YLPM1: variants seen among roughly 807,000 people sequenced by gnomAD.
The protein encoded by YLPM1 is YLP motif containing 1, also known as YLP motif-containing protein 1.
Under a neutral mutation model 230.0 loss-of-function variants are expected in YLPM1, and 99 were observed. The observed-to-expected ratio is 0.43, with a 90% CI of 0.37 to 0.51. The LOEUF is 0.51. YLPM1 is among the 20% of genes least tolerant of loss of function. YLPM1 has a pLI of 0.00. For synonymous variants in YLPM1, 984 were observed against 942.5 expected (o/e 1.04, Z -0.81); for missense variants, 2,592 against 2,707.7 (o/e 0.96, Z 0.95).
At chr14:74,773,283 A>G (rs971750814) in intron 1 of YLPM1, among the ~76,000 whole-genome samples, 1 of 151,640 alleles carries the variant, frequency 6.6e-6, no homozygotes, top group African/African-American at 2.4e-5. Context: ...GCGAGACTCC[A>G]TCTCAAGAAA....
At chr14:74,806,792 CTGTT>C (rs1288166509) in intron 6 of YLPM1, among the ~76,000 whole-genome samples, 1 of 149,752 alleles carries the variant, frequency 6.7e-6, no homozygotes, top group East Asian at 1.9e-4. Context: ...ACCCATTTAT[CTGTT>C]TGAGTCAGGT....
intron 6 of YLPM1, among the ~76,000 whole-genome samples, chr14:74,807,733 T>C (rs2091393544): frequency 1.3e-5 from 2 of 152,228 alleles, no homozygotes; most frequent in Non-Finnish European, 2.9e-5. Context: ...TTCATAGTAC[T>C]CATGTTCTCT....
Position 74,781,574 on chromosome 14 carries a change from A to G in YLPM1, c.1531A>G (p.Met511Val), listed in dbSNP as rs574322917. 9 of 1,614,002 alleles carry G rather than the reference A, an allele frequency of 5.6e-6. No individual in the cohort carries two copies. In the African/African-American group the frequency reaches 1.1e-4, roughly 19 times the overall value. ...NSFQNMKNQYMGNMSMPPPFV... is the reference protein window; with the variant it reads ...NSFQNMKNQYVGNMSMPPPFV... The stretch of plus-strand genomic sequence containing the variant: ...ATTTCAGAACATGAAGAACCAGTAT[A>G]TGGGGAACATGTCAATGCCACCTCC... The change falls in exon 4 of 21, where the codon ATG becomes GTG. Residue 511 changes from methionine to valine, a missense_variant. Transcript: ENST00000325680.
Position 74,778,827 on chromosome 14 carries a change from G to T in YLPM1, c.1110+144G>T. ...GCATTTGTGAAATCAGATGTCTGTTGTATCAGGTTTATTTGTTTGTTTATT... is the reference window on the plus strand; with the variant it reads ...GCATTTGTGAAATCAGATGTCTGTTTTATCAGGTTTATTTGTTTGTTTATT... On this transcript the variant is annotated intron_variant, in intron 2 of 20. Coordinates refer to ENST00000325680, the MANE Select transcript of YLPM1 (RefSeq NM_019589.3). 6.0e-6 allele frequency: 4 copies of T among 665,794 alleles called. No homozygotes were observed. In the South Asian group the frequency reaches 6.2e-5, roughly 10 times the overall value. The allele number at this position is 665,794 out of a possible 1,614,324, so 41.2% of individuals were successfully genotyped here.
Position 74,763,405 on chromosome 14 carries a change from G to T in YLPM1, c.-85G>T. 1.5e-6 allele frequency: 2 copies of T among 1,374,316 alleles called. No homozygotes were observed. The highest frequency in any genetic ancestry group is 1.9e-6 in the Non-Finnish European group (2 of 1,056,478). The allele number at this position is 1,374,316 out of a possible 1,614,324, so 85.1% of individuals were successfully genotyped here. A position where few individuals can be genotyped will look rare whatever the true frequency, so the allele number is the denominator to read the frequency against. On this transcript the variant is annotated 5_prime_UTR_variant, in exon 1 of 21. Coordinates refer to ENST00000325680, the MANE Select transcript of YLPM1 (RefSeq NM_019589.3). Reference sequence around the variant, plus strand: ...GGGCCTGTAGGCGCCGCGAGTTCCGGCTGTCGCCGTCGCCGCCGCGGCTCC... The same window carrying T: ...GGGCCTGTAGGCGCCGCGAGTTCCGTCTGTCGCCGTCGCCGCCGCGGCTCC...
intron 19 of YLPM1, among the ~76,000 whole-genome samples, chr14:74,830,540 T>C (rs1216778294): frequency 1.3e-5 from 2 of 152,198 alleles, no homozygotes; most frequent in South Asian, 2.1e-4. Context: ...CAATCAGTTA[T>C]TTAACTAGTC....
At position 74,809,503 on chromosome 14, in the gene YLPM1, C is replaced by T. The variant is rs779446937; in HGVS notation, c.4645C>T (p.Pro1549Ser). 5.1e-6 allele frequency: 8 copies of T among 1,580,984 alleles called. No individual in the cohort carries two copies. The highest frequency in any genetic ancestry group is 4.0e-5 in the African/African-American group (3 of 74,148). ...VTRPPVPIPP[P>S]PPPPPLPPPP... ...CAGGCCACCTGTCCCAATACCACCACCTCCACCTCCTCCACCTCTACCTCC... is the reference window on the plus strand; with the variant it reads ...CAGGCCACCTGTCCCAATACCACCATCTCCACCTCCTCCACCTCTACCTCC... Residue 1549 changes from proline to serine, a missense_variant, in exon 7 of 21, where the codon CCT (proline) becomes TCT (serine). Pro to Ser is a moderately conservative substitution (Grantham distance 74). This residue lies in a region of YLPM1 where 403 missense variants were observed against 426.7 expected (regional missense o/e 0.94). Transcript: ENST00000325680.
At chr14:74,766,563 T>G (rs949751842) in intron 1 of YLPM1, among the ~76,000 whole-genome samples, 2 of 151,828 alleles carry the variant, frequency 1.3e-5, no homozygotes, top group Admixed American at 6.6e-5. Flanking sequence ...CTCAGTTCAC[T>G]GCAACCTCTG....
intron 4 of YLPM1, among the ~76,000 whole-genome samples, chr14:74,794,624 ATTAGTTCATCCTTCTCCACC>A (rs1360255844): frequency 6.6e-6 from 1 of 151,736 alleles, no homozygotes; most frequent in Non-Finnish European, 1.5e-5. Context: ...TTAAGATAAT[ATTAGTTCATCCTTCTCCACC>A]TGATTCACAC....
chr14:74,777,021 A>C (rs1594811309), intron 1 of YLPM1, among the ~76,000 whole-genome samples: 1 of 152,008 alleles, frequency 6.6e-6, no homozygotes, highest in Non-Finnish European at 1.5e-5. Flanking sequence ...GCACCACTAC[A>C]CTCCAGCCTG....
chr14:74,806,983 C>G (rs911494360), intron 6 of YLPM1, among the ~76,000 whole-genome samples: 3 of 152,068 alleles, frequency 2.0e-5, no homozygotes, highest in Non-Finnish European at 4.4e-5. Flanking sequence ...TAAAACTTGT[C>G]TTGATAGATC....
At position 74,816,686 on chromosome 14, in the gene YLPM1, A is replaced by C; in HGVS notation, c.5681A>C (p.Lys1894Thr). 1 of 1,611,838 alleles carries C rather than the reference A, an allele frequency of 6.2e-7. No homozygotes were observed. ...KDPDSGKKVK[K>T]KVMEYEYEAE... ...CCAGATTCTGGAAAGAAAGTGAAAA[A>C]GAAGGTATGGTATTCATCTCAGATC... is the stretch of plus-strand genomic sequence containing the variant. Residue 1894 changes from lysine to threonine, a missense_variant, in exon 13 of 21, where the codon AAG (lysine) becomes ACG (threonine). Physicochemically the swap from Lys to Thr is moderately conservative, Grantham distance 78. This residue lies in a region of YLPM1 where 315 missense variants were observed against 429.3 expected (regional missense o/e 0.73). Coordinates refer to ENST00000325680, the MANE Select transcript of YLPM1 (RefSeq NM_019589.3).
chr14:74,813,444 CTTT>C (rs1268848290), intron 11 of YLPM1, among the ~76,000 whole-genome samples: 4 of 151,292 alleles, frequency 2.6e-5, no homozygotes, highest in Non-Finnish European at 5.9e-5. Flanking sequence ...TTCAGGTTCC[CTTT>C]ATTTCTGACA....
At chr14:74,777,604 T>C (rs952858301) in intron 1 of YLPM1, among the ~76,000 whole-genome samples, 1 of 151,938 alleles carries the variant, frequency 6.6e-6, no homozygotes, top group African/African-American at 2.4e-5. Context: ...CATATTCTCT[T>C]ATATGTGTGT....
At position 74,812,550 on chromosome 14, in the gene YLPM1, T is replaced by C. The variant is rs892280072; in HGVS notation, c.5348-78T>C. The C allele has an allele frequency of 5.5e-6, 8 of 1,447,198 alleles. No individual in the cohort carries two copies. The African/African-American group carries it at 1.1e-4, about 21-fold the overall frequency. 89.6% of individuals were successfully genotyped at this position (1,447,198 alleles called of 1,614,324 possible). ...TGGACTTGGTTTGAATTATATTACC[T>C]TAGGATGTGTGGGGAGAGTTGAATT... is the stretch of plus-strand genomic sequence containing the variant. On this transcript the variant is annotated intron_variant, in intron 10 of 20. Coordinates refer to ENST00000325680, the MANE Select transcript of YLPM1 (RefSeq NM_019589.3).
chr14:74,835,081 CAG>C (rs1320465654), intron 19 of YLPM1, 182 bp from the exon 20 acceptor site: 5 of 689,966 alleles, frequency 7.2e-6, no homozygotes, highest in African/African-American at 7.2e-5. Context: ...TTGGATTGTC[CAG>C]AGAGTTTTCT....
At chr14:74,783,405 G>GT (rs1469866653) in intron 4 of YLPM1, among the ~76,000 whole-genome samples, 5 of 152,014 alleles carry the variant, frequency 3.3e-5, no homozygotes, top group East Asian at 3.9e-4. Flanking sequence ...ACTTTAATCA[G>GT]TTTTTTTCTC....
intron 19 of YLPM1, 40 bp from the exon 20 acceptor site, chr14:74,835,225 A>G: frequency 6.2e-7 from 1 of 1,605,814 alleles, no homozygotes; most frequent in Non-Finnish European, 8.5e-7. Flanking sequence ...TTGCATATTT[A>G]TTTTTCCTAA....
chr14:74,802,464 AG>A (rs2091337278), intron 5 of YLPM1, 91 bp from the exon 6 acceptor site: 4 of 1,428,186 alleles, frequency 2.8e-6, no homozygotes, highest in Non-Finnish European at 3.7e-6. Context: ...AGGATTTTTT[AG>A]GTCTCCTTTT....
Sources: gnomAD v4.1 joint callset for allele counts (sites outside exome capture counted in the v4.1 genomes callset) on GRCh38, gnomAD v4.1.1 for gene constraint, gnomAD v4.1.1 regional missense constraint, MANE v1.5 for transcripts, NCBI Gene and HGNC (gene_info 2026-07-23, HGNC 2026-07-21) for gene names.